The following DMD variants were observed in gnomAD, a reference collection of about 807,000 sequenced individuals.
The protein encoded by DMD is mutant dystrophin.
DMD carries 63 observed loss-of-function variants against 330.1 expected under a neutral mutation model. The observed-to-expected ratio is 0.19, with a 90% CI of 0.16 to 0.24. The LOEUF (loss-of-function observed/expected upper bound fraction) is 0.24. DMD is among the 10% of genes least tolerant of loss of function. The pLI is 1.00. For synonymous variants in DMD, 1,223 were observed against 959.8 expected (o/e 1.27, Z -5.07); for missense variants, 3,344 against 2,684.1 (o/e 1.25, Z -5.43).
chrX:32,834,488 C>G (rs5972685), intron 4 of DMD, among the ~76,000 whole-genome samples: 33,258 of 110,368 alleles, frequency 0.3, 3,703 homozygotes, highest in East Asian at 0.6. Flanking sequence ...AGCATGTGAA[C>G]AGTATATCAT....
intron 18 of DMD, among the ~76,000 whole-genome samples, chrX:32,505,702 T>G (rs2044545897): frequency 8.9e-6 from 1 of 112,166 alleles, no homozygotes; most frequent in African/African-American, 3.2e-5. Flanking sequence ...TTCCTGCACA[T>G]GAATGCTGCA....
At chrX:31,931,417 G>A (rs1030073141) in intron 46 of DMD, among the ~76,000 whole-genome samples, 5 of 110,219 alleles carry the variant, frequency 4.5e-5, no homozygotes, top group Admixed American at 2.9e-4. Flanking sequence ...ACAGTAGGAC[G>A]GTATGAAAAG....
intron 72 of DMD, among the ~76,000 whole-genome samples, 174 bp downstream of exon 72, chrX:31,173,365 G>T (rs2040192923): frequency 1.8e-5 from 2 of 111,918 alleles, no homozygotes; most frequent in African/African-American, 6.5e-5. Flanking sequence ...GCTCTTGTTG[G>T]TGACCAAAAA....
At chrX:32,161,456 C>T (rs1057412305) in intron 44 of DMD, among the ~76,000 whole-genome samples, 1 of 111,482 alleles carries the variant, frequency 9.0e-6, no homozygotes, top group Non-Finnish European at 1.9e-5. Context: ...TATACAAGAC[C>T]GTGGGTTTCT....
chrX:31,800,471 C>T (rs1053090811), intron 50 of DMD, among the ~76,000 whole-genome samples: 1 of 111,965 alleles, frequency 8.9e-6, no homozygotes, highest in Admixed American at 9.4e-5. Context: ...CAAAGCAGCA[C>T]GGCCCTGTGC....
chrX:32,240,085 T>A (rs997640076), intron 43 of DMD, among the ~76,000 whole-genome samples: 1 of 111,912 alleles, frequency 8.9e-6, no homozygotes, highest in African/African-American at 3.3e-5. Context: ...AATCCTTGAT[T>A]GTCTCTTAAA....
chrX:33,212,474 T>A (rs2051955273), upstream of DMD, among the ~76,000 whole-genome samples: 1 of 112,092 alleles, frequency 8.9e-6, no homozygotes, highest in Non-Finnish European at 1.9e-5. Flanking sequence ...TTGGAAACAT[T>A]TTTTAAAGAA....
At chrX:32,435,209 G>A (rs1569562329) in intron 29 of DMD, among the ~76,000 whole-genome samples, 1 of 60,299 alleles carries the variant, frequency 1.7e-5, no homozygotes. Flanking sequence ...TGCCCTCAGT[G>A]GGATATATAT....
chrX:33,307,783 C>T (rs1358614077), intron 1 of DMD, among the ~76,000 whole-genome samples: 1 of 111,294 alleles, frequency 9.0e-6, no homozygotes, highest in African/African-American at 3.3e-5. Context: ...CAGTAAGCAG[C>T]GCCTCTATTG....
chrX:31,218,409 A>G (rs1343951024), intron 64 of DMD, among the ~76,000 whole-genome samples: 1 of 110,626 alleles, frequency 9.0e-6, no homozygotes, highest in Admixed American at 9.6e-5. Context: ...AGAGGCAAGA[A>G]AACTTTCTCT....
intron 55 of DMD, among the ~76,000 whole-genome samples, chrX:31,554,874 A>G (rs2074710360): frequency 8.9e-6 from 1 of 112,017 alleles, no homozygotes. Flanking sequence ...GTACTGAAGT[A>G]GCACATTGAA....
chrX:31,934,921 CTTAT>C (rs2094904723), intron 45 of DMD, among the ~76,000 whole-genome samples: 1 of 112,144 alleles, frequency 8.9e-6, no homozygotes, highest in Non-Finnish European at 1.9e-5. Context: ...ACAATTCTCT[CTTAT>C]TTAAATTGAA....
intron 64 of DMD, among the ~76,000 whole-genome samples, chrX:31,212,146 TTATATA>T (rs375944446): frequency 0.039 from 3,547 of 91,689 alleles, 108 homozygotes; most frequent in East Asian, 0.12. Context: ...ATTAAATATA[TTATATA>T]TATATATATA....
chrX:31,665,618 A>G (rs1481878849), intron 53 of DMD, among the ~76,000 whole-genome samples: 1 of 111,638 alleles, frequency 9.0e-6, no homozygotes, highest in African/African-American at 3.3e-5. Context: ...AATGGCCCTC[A>G]TTTTCCGGCT....
chrX:31,523,353 C>T (rs1181974322), intron 55 of DMD, among the ~76,000 whole-genome samples: 3 of 111,086 alleles, frequency 2.7e-5, no homozygotes, highest in Non-Finnish European at 5.7e-5. Flanking sequence ...CCTCCACCCC[C>T]GGGACATACA....
At chrX:32,963,798 G>A (rs2092000341) in intron 2 of DMD, among the ~76,000 whole-genome samples, 1 of 111,270 alleles carries the variant, frequency 9.0e-6, no homozygotes, top group Non-Finnish European at 1.9e-5. Context: ...GGACTCAGGA[G>A]GTCAATGTAA....
chrX:33,048,585 C>T (rs1298939370), intron 1 of DMD, among the ~76,000 whole-genome samples: 3 of 103,835 alleles, frequency 2.9e-5, no homozygotes, highest in African/African-American at 7.1e-5. Context: ...CCTAGCTATT[C>T]GGGAGGCTGA....
chrX:32,881,059 A>G lies in DMD; in HGVS notation c.94-31239T>C, dbSNP rs189893977. Among the ~76,000 whole-genome samples, 136 of 113,128 alleles carry G rather than the reference A, an allele frequency of 1.2e-3. 1 individual carries two copies. The highest frequency in any genetic ancestry group is 4.3e-3 in the African/African-American group (134 of 31,258). On this transcript the variant is annotated intron_variant, in intron 2 of 78. Transcript: ENST00000357033. Reference sequence around the variant, plus strand: ...CTTAGATTGAGTTATTTATGAATACAAACAGGTATGAAGCAGAAACCACGA... The same window carrying G: ...CTTAGATTGAGTTATTTATGAATACGAACAGGTATGAAGCAGAAACCACGA...
intron 2 of DMD, among the ~76,000 whole-genome samples, chrX:32,889,061 C>T (rs2084939556): frequency 9.1e-6 from 1 of 110,102 alleles, no homozygotes; most frequent in Non-Finnish European, 1.9e-5. Flanking sequence ...GTGAAAGAAC[C>T]GCCACCACAA....
Sources: gnomAD v4.1 joint callset for allele counts (sites outside exome capture counted in the v4.1 genomes callset) on GRCh38, gnomAD v4.1.1 for gene constraint, MANE v1.5 for transcripts, NCBI Gene and HGNC (gene_info 2026-07-23, HGNC 2026-07-21) for gene names.